Variants in DYNC2H1 observed in about 807,000 individuals in gnomAD.
The protein encoded by DYNC2H1 is dynein cytoplasmic 2 heavy chain 1, also known as cytoplasmic dynein 2 heavy chain 1.
In DYNC2H1, 410 loss-of-function variants were observed where a neutral mutation model predicts 570.0. That is an observed-to-expected ratio of 0.72 (90% CI 0.66 to 0.78). The LOEUF (loss-of-function observed/expected upper bound fraction) is 0.78, where lower values mean the gene tolerates loss of function less well. Among genes scored for constraint, DYNC2H1 ranks in the 30% least tolerant of loss-of-function variants. The pLI is 0.00. For synonymous variants in DYNC2H1, 1,688 were observed against 1,677.6 expected (o/e 1.01, Z -0.15); for missense variants, 4,865 against 5,046.4 (o/e 0.96, Z 1.09).
intron 48 of DYNC2H1, 108 bp downstream of exon 48, chr11:103,198,171 CA>C: frequency 7.9e-7 from 1 of 1,257,976 alleles, no homozygotes; most frequent in Non-Finnish European, 1.1e-6. Context: ...GTAGAATAGG[CA>C]AAGCTGGTTC....
At chr11:103,216,722 G>T (rs950939477) in intron 55 of DYNC2H1, among the ~76,000 whole-genome samples, 3 of 151,946 alleles carry the variant, frequency 2.0e-5, no homozygotes, top group East Asian at 3.9e-4. Flanking sequence ...AGTTTGAGAG[G>T]CAGAGGTTGC....
At chr11:103,293,699 A>G (rs1281947286) in intron 75 of DYNC2H1, among the ~76,000 whole-genome samples, 2 of 151,946 alleles carry the variant, frequency 1.3e-5, no homozygotes, top group African/African-American at 4.8e-5. Context: ...TGAGACACTG[A>G]TGCATTTTTC....
chr11:103,141,394 T>C (rs1369158561), intron 17 of DYNC2H1, among the ~76,000 whole-genome samples: 1 of 152,196 alleles, frequency 6.6e-6, no homozygotes, highest in Non-Finnish European at 1.5e-5. Flanking sequence ...GTGGATGTCC[T>C]TTCTGTTTGT....
chr11:103,394,372 A>G (rs61896846), intron 83 of DYNC2H1, among the ~76,000 whole-genome samples: 25,898 of 152,108 alleles, frequency 0.17, 2,372 homozygotes, highest in Admixed American at 0.26. Flanking sequence ...CAGTATAACA[A>G]CTACTTACGT....
chr11:103,454,133 CT>C (rs141303075), intron 85 of DYNC2H1, among the ~76,000 whole-genome samples: 36,496 of 151,806 alleles, frequency 0.24, 4,576 homozygotes, highest in Admixed American at 0.33. Context: ...CTAGACCTGG[CT>C]AAGAGATGTA....
chr11:103,185,812 A>C lies in DYNC2H1; in HGVS notation c.6634-430A>C, dbSNP rs1044849607. 3.9e-5 allele frequency among the ~76,000 whole-genome samples: 6 copies of C among 151,996 alleles called. No homozygotes were observed. In the Admixed American group the frequency reaches 3.9e-4, roughly 10 times the overall value. ...TAGTATTAAGGGCTAACTCTGCTTT[A>C]TATATGCATAGATAACAGTTTTCAG... On this transcript the variant is annotated intron_variant, in intron 41 of 88. Transcript: ENST00000375735. The surrounding 1 kb of genome is among the most constrained non-coding windows in gnomAD (Gnocchi z 4.5).
chr11:103,389,453 T>C (rs1384390807), intron 83 of DYNC2H1, among the ~76,000 whole-genome samples: 1 of 152,188 alleles, frequency 6.6e-6, no homozygotes, highest in Non-Finnish European at 1.5e-5. Context: ...AACCACCTCC[T>C]GGATTCATTG....
At chr11:103,418,701 G>A (rs147221377) in intron 84 of DYNC2H1, among the ~76,000 whole-genome samples, 2 of 152,316 alleles carry the variant, frequency 1.3e-5, no homozygotes, top group African/African-American at 4.8e-5. Flanking sequence ...GAAAAGCAGT[G>A]TGGGGTAATG....
intron 83 of DYNC2H1, among the ~76,000 whole-genome samples, chr11:103,387,788 C>G (rs61896839): frequency 1.3e-5 from 2 of 151,954 alleles, no homozygotes; most frequent in East Asian, 1.9e-4. Flanking sequence ...GTTTTTGTCA[C>G]GTTTGTCAAA....
intron 75 of DYNC2H1, among the ~76,000 whole-genome samples, chr11:103,297,398 G>T (rs184049390): frequency 1.6e-4 from 24 of 152,080 alleles, no homozygotes; most frequent in Admixed American, 1.5e-3. Context: ...AAGTACAGTC[G>T]TGTTGTTTAA....
In DYNC2H1 at chr11:103,334,921, C is replaced by A. The variant is rs925370504; in HGVS notation, c.12039+10931C>A. ...CTGCAACTTTCAGCTGTAAAATGAA[C>A]CTTTTTAAACAAATAAAAAACACCA... On this transcript the variant is annotated intron_variant, in intron 82 of 88. Transcript: ENST00000375735. The surrounding 1 kb of genome is among the most constrained non-coding windows in gnomAD (Gnocchi z 4.3). Among the ~76,000 whole-genome samples the A allele has an allele frequency of 3.3e-5, 5 of 151,978 alleles. No homozygotes were observed. The highest frequency in any genetic ancestry group is 4.8e-5 in the African/African-American group (2 of 41,406).
At chr11:103,253,519 G>C (rs1315342167) in intron 66 of DYNC2H1, 71 bp downstream of exon 66, 4 of 1,397,978 alleles carry the variant, frequency 2.9e-6, no homozygotes, top group Non-Finnish European at 3.9e-6. Context: ...CATTGTGAGT[G>C]AGAAGCTATT....
rs976658490 is a variant in DYNC2H1 at position 103,468,570 on chromosome 11, A to G, written c.12649-19A>G. 6 of 1,582,596 alleles carry G rather than the reference A, an allele frequency of 3.8e-6. No homozygotes were observed. The highest frequency in any genetic ancestry group is 3.3e-4 in the Middle Eastern group (2 of 6,012). On this transcript the variant is annotated intron_variant, in intron 87 of 88. Coordinates refer to ENST00000375735, the MANE Select transcript of DYNC2H1 (RefSeq NM_001377.3). ...CGACTTTAATGCATATTTTCATGAC[A>G]TATTTGTTTCCATGGCAGATCAGTG...
chr11:103,149,783 T>TGA (rs1272769334), intron 20 of DYNC2H1, among the ~76,000 whole-genome samples: 2 of 151,206 alleles, frequency 1.3e-5, no homozygotes, highest in Admixed American at 1.3e-4. Context: ...TGTGTGTGTG[T>TGA]GAGAGAGAGT....
chr11:103,167,036 A>G (rs1165852465), intron 31 of DYNC2H1, among the ~76,000 whole-genome samples: 2 of 111,558 alleles, frequency 1.8e-5, no homozygotes, highest in Admixed American at 1.3e-4. Context: ...ATTAGCCTGC[A>G]TAATTTCTAC....
intron 75 of DYNC2H1, among the ~76,000 whole-genome samples, chr11:103,298,279 C>A (rs1866916484): frequency 6.6e-6 from 1 of 152,074 alleles, no homozygotes; most frequent in South Asian, 2.1e-4. Context: ...GTTCCTATTG[C>A]TCAAACGCAT....
chr11:103,413,814 T>C (rs570796661), intron 84 of DYNC2H1, among the ~76,000 whole-genome samples: 2 of 152,294 alleles, frequency 1.3e-5, no homozygotes, highest in Non-Finnish European at 2.9e-5. Context: ...ATAACAAGAA[T>C]CTTTAATCTT....
chr11:103,200,016 G>T, intron 49 of DYNC2H1, 30 bp from the exon 50 acceptor site: 1 of 1,432,612 alleles, frequency 7.0e-7, no homozygotes. Context: ...ATACTTAAAG[G>T]GCACTAAAAA....
intron 88 of DYNC2H1, among the ~76,000 whole-genome samples, chr11:103,475,200 T>C (rs147317375): frequency 2.0e-5 from 3 of 152,290 alleles, no homozygotes; most frequent in African/African-American, 7.2e-5. Flanking sequence ...TTTAGAGTAA[T>C]CAATCACAAT....
Sources: gnomAD v4.1 joint callset for allele counts (sites outside exome capture counted in the v4.1 genomes callset) on GRCh38, gnomAD v4.1.1 for gene constraint, Gnocchi (gnomAD v3.1) non-coding constraint, MANE v1.5 for transcripts, NCBI Gene and HGNC (gene_info 2026-07-23, HGNC 2026-07-21) for gene names.